TRIM49C: variants seen among roughly 807,000 people sequenced by gnomAD.
The protein encoded by TRIM49C is tripartite motif containing 49C.
A neutral mutation model predicts 21.4 loss-of-function variants in TRIM49C; 6 were observed. That is an observed-to-expected ratio of 0.28 (90% CI 0.15 to 0.55). The LOEUF (loss-of-function observed/expected upper bound fraction) is 0.55, where lower values mean the gene tolerates loss of function less well. TRIM49C is among the 20% of genes least tolerant of loss of function. The pLI is 0.94. For missense variants in TRIM49C, 161 were observed against 442.4 expected, an observed-to-expected ratio of 0.36 and a Z score of 5.71; for synonymous variants, 57 against 148.1, an observed-to-expected ratio of 0.38 and a Z score of 4.47.
the TRIM49C span, among the ~76,000 whole-genome samples, chr11:90,048,740 T>C: frequency 0.018 from 2,206 of 125,368 alleles, 458 homozygotes; most frequent in Non-Finnish European, 0.025. Context: ...AGAAGTTTGA[T>C]TGTCTGAAGA....
the TRIM49C span, chr11:90,071,185 C>A: frequency 4.1e-6 from 2 of 493,250 alleles, no homozygotes; most frequent in Non-Finnish European, 8.0e-6. Context: ...TAATGGCCAT[C>A]AGTGCAAGCT....
At chr11:90,044,928 G>A (rs370861083), downstream of TRIM49C, among the ~76,000 whole-genome samples, 124 of 97,692 alleles carry the variant, frequency 1.3e-3, 14 homozygotes, top group East Asian at 0.026. Context: ...TTAAGTCTTT[G>A]ATCCATCTTG....
rs1306451016 is a variant in TRIM49C, at chr11:90,032,570, A to C, written c.-17A>C. 4.6e-5 allele frequency: 6 copies of C among 131,148 alleles called. No individual in the cohort carries two copies. Among genetic ancestry groups the C allele is most frequent in the Admixed American group, 1.5e-4 (2 of 13,128 alleles). The allele number at this position is 131,148 out of a possible 1,614,324, so 8.1% of individuals were successfully genotyped here. ...GGAAAAATCGTTGTGGGAACCATTA[A>C]AAGAACTCCAGGGTGAGTGAAACAT... On this transcript the variant is annotated 5_prime_UTR_variant, in exon 2 of 8. Transcript: ENST00000448984.
At chr11:90,069,010 T>C in the TRIM49C span, among the ~76,000 whole-genome samples, 5 of 123,380 alleles carry the variant, frequency 4.1e-5, no homozygotes, top group Admixed American at 8.5e-5. Context: ...ATTGATAGAG[T>C]GACGCATTGT....
chr11:90,042,166 AAG>A (rs1242095067), downstream of TRIM49C: 2 of 145,110 alleles, frequency 1.4e-5, no homozygotes, highest in African/African-American at 5.2e-5. Flanking sequence ...TTTTTTTAAA[AAG>A]TAACTAAATA....
intron 4 of TRIM49C, among the ~76,000 whole-genome samples, chr11:90,036,659 T>C (rs1950729666): frequency 7.2e-6 from 1 of 138,166 alleles, no homozygotes; most frequent in Non-Finnish European, 1.6e-5. Context: ...GAGGGTATGA[T>C]AGCTAAGATT....
rs1298731042 is a variant in TRIM49C at position 90,041,317 on chromosome 11, G to A, written c.1126G>A (p.Gly376Arg). 5.7e-6 allele frequency: 9 copies of A among 1,589,710 alleles called. No homozygotes were observed. The Admixed American group carries it at 1.5e-4, about 27-fold the overall frequency. The change falls in exon 8 of 8, where the codon GGA becomes AGA. Residue 376 changes from glycine to arginine, a missense_variant. This residue lies in a region of TRIM49C where 63 missense variants were observed against 67.6 expected (regional missense o/e 0.93). Transcript: ENST00000448984. Reference protein sequence around the residue: ...NQNEKIDGKEGLFLLGCIKND... With the variant: ...NQNEKIDGKERLFLLGCIKND... Reference sequence around the variant, plus strand: ...GAATGAGAAGATAGATGGAAAGGAGGGACTCTTTCTTCTTGGGTGTATTAA... The same window carrying A: ...GAATGAGAAGATAGATGGAAAGGAGAGACTCTTTCTTCTTGGGTGTATTAA...
the TRIM49C span, chr11:90,071,040 C>T: frequency 3.8e-3 from 1,755 of 457,524 alleles, 226 homozygotes; most frequent in African/African-American, 0.026. Flanking sequence ...AGGTGATCCA[C>T]CCACCTTGGC....
the TRIM49C span, chr11:90,057,798 T>G: frequency 8.2e-7 from 1 of 1,217,544 alleles, no homozygotes; most frequent in South Asian, 1.5e-5. Context: ...GAGACTATAG[T>G]GATTGCTCCT....
In TRIM49C at chr11:90,032,229, A is replaced by C. The variant is rs1335833017; in HGVS notation, c.-190-168A>C. Among the ~76,000 whole-genome samples, 2 of 133,526 alleles carry C rather than the reference A, an allele frequency of 1.5e-5. 1 individual carries two copies. Among genetic ancestry groups the C allele is most frequent in the African/African-American group, 5.5e-5 (2 of 36,304 alleles). The allele number at this position is 133,526 out of a possible 152,430, so 87.6% of individuals were successfully genotyped here. A position where few individuals can be genotyped will look rare whatever the true frequency, so the allele number is the denominator to read the frequency against. ...GCCTATGTATGCTCTGACAGGATTT[A>C]TGTTACATGTGATTCATTCAGGCAC... On this transcript the variant is annotated intron_variant, in intron 1 of 7. Coordinates refer to ENST00000448984, the MANE Select transcript of TRIM49C (RefSeq NM_001195234.1).
At chr11:90,031,564 T>C (rs547278756) in intron 1 of TRIM49C, among the ~76,000 whole-genome samples, 83 of 149,046 alleles carry the variant, frequency 5.6e-4, no homozygotes, top group Non-Finnish European at 1.1e-3. Context: ...GCCTATATGC[T>C]AAAAGTTATG....
chr11:90,064,939 A>C, the TRIM49C span, among the ~76,000 whole-genome samples: 1 of 150,274 alleles, frequency 6.7e-6, no homozygotes, highest in Non-Finnish European at 1.5e-5. Context: ...AATTTTGAAG[A>C]GACAGCAAAT....
chr11:90,069,192 C>T, the TRIM49C span, among the ~76,000 whole-genome samples: 1 of 130,228 alleles, frequency 7.7e-6, no homozygotes, highest in South Asian at 2.8e-4. Flanking sequence ...GCAAGCTCCG[C>T]CTCCCGGGTT....
the TRIM49C span, among the ~76,000 whole-genome samples, chr11:90,055,431 C>G: frequency 6.8e-6 from 1 of 147,708 alleles, no homozygotes; most frequent in African/African-American, 2.5e-5. Context: ...ATGGTGCTAA[C>G]CTTAGGCAGC....
chr11:90,033,960 A>C (rs1425183909), intron 2 of TRIM49C, among the ~76,000 whole-genome samples: 1 of 130,832 alleles, frequency 7.6e-6, no homozygotes, highest in Non-Finnish European at 1.6e-5. Context: ...AAAAAAACAA[A>C]AAAAAAAACT....
the TRIM49C span, among the ~76,000 whole-genome samples, chr11:90,056,298 C>A: frequency 2.2e-5 from 3 of 133,772 alleles, 1 homozygote; most frequent in African/African-American, 5.3e-5. Context: ...TAATTTTGTT[C>A]TTTCTACTGC....
rs1206679581 is a variant in TRIM49C at position 90,033,882 on chromosome 11, G to T, written c.-5+1300G>T. 6.2e-4 allele frequency among the ~76,000 whole-genome samples: 76 copies of T among 123,214 alleles called. 7 individuals carry two copies. Among genetic ancestry groups the T allele is most frequent in the African/African-American group, 2.2e-3 (72 of 33,146 alleles). 80.8% of individuals were successfully genotyped at this position (123,214 alleles called of 152,430 possible). A position where few individuals can be genotyped will look rare whatever the true frequency, so the allele number is the denominator to read the frequency against. ...AATCGCTCTGAACCTGGAGGCGGAGGTTACAGTGAGCCGAGATCACGCCAC... is the reference window on the plus strand; with the variant it reads ...AATCGCTCTGAACCTGGAGGCGGAGTTTACAGTGAGCCGAGATCACGCCAC... On this transcript the variant is annotated intron_variant, in intron 2 of 7. Transcript: ENST00000448984.
the TRIM49C span, among the ~76,000 whole-genome samples, chr11:90,048,020 A>G: frequency 9.1e-6 from 1 of 110,464 alleles, no homozygotes; most frequent in Non-Finnish European, 1.8e-5. Flanking sequence ...TTTCTCCTTC[A>G]CTTATGAAGC....
At chr11:90,066,386 G>A in the TRIM49C span, among the ~76,000 whole-genome samples, 4 of 134,834 alleles carry the variant, frequency 3.0e-5, no homozygotes, top group South Asian at 2.6e-4. Flanking sequence ...GTGCCTAGCC[G>A]TTATTTGTCT....
Sources: allele counts gnomAD v4.1 joint callset (sites outside exome capture counted in the v4.1 genomes callset), GRCh38; gene constraint gnomAD v4.1.1; regional missense constraint gnomAD v4.1.1; transcripts MANE v1.5; gene names NCBI Gene and HGNC (gene_info 2026-07-23, HGNC 2026-07-21).